The following CRTAC1 variants were observed in gnomAD, a reference collection of about 807,000 sequenced individuals.
CRTAC1 encodes cartilage acidic protein 1.
A neutral mutation model predicts 67.8 loss-of-function variants in CRTAC1; 37 were observed. The observed-to-expected ratio is 0.55, with a 90% CI of 0.42 to 0.72. The LOEUF (loss-of-function observed/expected upper bound fraction) is 0.72, where lower values mean the gene tolerates loss of function less well. Among genes scored for constraint, CRTAC1 ranks in the 30% least tolerant of loss-of-function variants. CRTAC1 has a pLI of 0.00. For synonymous variants in CRTAC1, 348 were observed against 371.0 expected (o/e 0.94, Z 0.71); for missense variants, 780 against 931.6 (o/e 0.84, Z 2.12).
intron 13 of CRTAC1, among the ~76,000 whole-genome samples, chr10:97,882,431 C>T (rs1195298628): frequency 6.6e-6 from 1 of 152,228 alleles, no homozygotes; most frequent in East Asian, 1.9e-4. Flanking sequence ...TGCCTGCCAG[C>T]CCCCTTGCTT....
chr10:97,878,679 C>A (rs1433082660), intron 14 of CRTAC1: 1 of 1,303,906 alleles, frequency 7.7e-7, no homozygotes, highest in Non-Finnish European at 1.0e-6. Context: ...GACCAAGTAG[C>A]AAGGTTCTTT....
chr10:97,904,031 A>T (rs970452048), intron 7 of CRTAC1, among the ~76,000 whole-genome samples: 1 of 147,660 alleles, frequency 6.8e-6, no homozygotes, highest in Non-Finnish European at 1.5e-5. Flanking sequence ...TGTGCAGGGG[A>T]TGCCATCCTG....
intron 13 of CRTAC1, among the ~76,000 whole-genome samples, chr10:97,882,183 T>C (rs896234342): frequency 2.0e-5 from 3 of 152,188 alleles, no homozygotes; most frequent in African/African-American, 7.2e-5. Flanking sequence ...TGCTGGTCAC[T>C]GGGATGGAAA....
rs754785391 is a variant in CRTAC1, at chr10:97,890,219, C to T, written c.1486+5026G>A. 7.2e-5 allele frequency among the ~76,000 whole-genome samples: 11 copies of T among 152,100 alleles called. No individual in the cohort carries two copies. The East Asian group carries it at 7.7e-4, about 11-fold the overall frequency. On this transcript the variant is annotated intron_variant, in intron 11 of 14. Transcript: ENST00000370597. ...ACAGCCTCAAACTCCTGGCCTTGAG[C>T]GATCTTCCTGCCTCATCCTCCTGAG...
At chr10:97,915,334 G>C (rs918954528) in intron 5 of CRTAC1, among the ~76,000 whole-genome samples, 6 of 152,220 alleles carry the variant, frequency 3.9e-5, no homozygotes, top group Non-Finnish European at 8.8e-5. Flanking sequence ...TGTGACCTTG[G>C]GCGAGTCCCT....
At chr10:97,886,845 A>G (rs999932540) in intron 11 of CRTAC1, among the ~76,000 whole-genome samples, 2 of 151,832 alleles carry the variant, frequency 1.3e-5, no homozygotes, top group African/African-American at 4.8e-5. Flanking sequence ...GGGTTTCGCC[A>G]TGCTGGCCAG....
intron 2 of CRTAC1, among the ~76,000 whole-genome samples, chr10:97,949,552 G>C (rs904178970): frequency 1.3e-5 from 2 of 152,254 alleles, no homozygotes; most frequent in Non-Finnish European, 2.9e-5. Context: ...GAGTGTCTTG[G>C]TAAAGGTGGC....
chr10:97,871,088 G>T (rs1372942593), intron 14 of CRTAC1: 1 of 152,174 alleles, frequency 6.6e-6, no homozygotes. Context: ...GGAGGTTTCC[G>T]CATGAGCCTT....
chr10:97,907,958 C>T, intron 6 of CRTAC1, 55 bp downstream of exon 6: 2 of 1,602,502 alleles, frequency 1.2e-6, no homozygotes, highest in Non-Finnish European at 1.7e-6. Flanking sequence ...CTGGAGTCCT[C>T]TGTGGGTCTG....
Position 97,865,471 on chromosome 10 carries a change from C to T in CRTAC1, c.*77G>A. On this transcript the variant is annotated 3_prime_UTR_variant, in exon 15 of 15. Transcript: ENST00000370597. ...TAGCTCCCAGGCCTTTACATCCCTA[C>T]TGTCTAGGCAGCAGCACAAGCCCAC... 1 of 1,518,666 alleles carries T rather than the reference C, an allele frequency of 6.6e-7. No homozygotes were observed. The highest frequency in any genetic ancestry group is 8.9e-7 in the Non-Finnish European group (1 of 1,122,818). 94.1% of individuals were successfully genotyped at this position (1,518,666 alleles called of 1,614,324 possible). A position where few individuals can be genotyped will look rare whatever the true frequency, so the allele number is the denominator to read the frequency against.
chr10:97,969,032 A>T (rs1236970805), intron 2 of CRTAC1, among the ~76,000 whole-genome samples: 1 of 152,164 alleles, frequency 6.6e-6, no homozygotes, highest in Admixed American at 6.5e-5. Context: ...GGACAGTCTC[A>T]GTTGGTTTGC....
rs1189303097 is a variant in CRTAC1 at position 97,975,037 on chromosome 10, G to A, written c.224+36101C>T. Among the ~76,000 whole-genome samples the A allele has an allele frequency of 6.6e-6, 1 of 152,006 alleles. No homozygotes were observed. The highest frequency in any genetic ancestry group is 2.4e-5 in the African/African-American group (1 of 41,394). ...CCCGCGGGAGGAGGCCGGAGCGCGG[G>A]CAGGGACTGGCGCGGGATCGATTCC... On this transcript the variant is annotated intron_variant, in intron 2 of 14. Transcript: ENST00000370597. The surrounding 1 kb of genome is among the most constrained non-coding windows in gnomAD (Gnocchi z 4.8).
chr10:97,990,815 A>G (rs150853776), intron 2 of CRTAC1, among the ~76,000 whole-genome samples: 1 of 152,312 alleles, frequency 6.6e-6, no homozygotes, highest in African/African-American at 2.4e-5. Flanking sequence ...GGGAAAATAA[A>G]CTTTCTCCTA....
intron 2 of CRTAC1, among the ~76,000 whole-genome samples, chr10:97,967,145 C>T (rs2051631580): frequency 6.6e-6 from 1 of 152,084 alleles, no homozygotes; most frequent in African/African-American, 2.4e-5. Context: ...TCTATTCTCC[C>T]TCATTTATTT....
chr10:97,867,262 A>T (rs2050038780), intron 14 of CRTAC1: 2 of 152,364 alleles, frequency 1.3e-5, no homozygotes, highest in African/African-American at 4.8e-5. Context: ...TGTCCAGCCA[A>T]TGATGCCCGG....
In CRTAC1 at chr10:97,889,453, T is replaced by TTGG. The variant is rs1554913298; in HGVS notation, c.1487-5103_1487-5102insCCA. ...GGTGAAGAGGGGCTGTGGAACTTGG[T>TTGG]GGGGGGGGGTCCACTGAGCAAGGCA... On this transcript the variant is annotated intron_variant, in intron 11 of 14. Transcript: ENST00000370597. Among the ~76,000 whole-genome samples the TTGG allele has an allele frequency of 5.0e-3, 479 of 95,094 alleles. 2 individuals carry two copies. The highest frequency in any genetic ancestry group is 0.015 in the African/African-American group (450 of 29,702). The allele number at this position is 95,094 out of a possible 152,430, so 62.4% of individuals were successfully genotyped here.
chr10:98,019,413 A>G (rs897135597), intron 1 of CRTAC1, among the ~76,000 whole-genome samples: 1 of 152,054 alleles, frequency 6.6e-6, no homozygotes, highest in African/African-American at 2.4e-5. Context: ...ATATCTGGGG[A>G]CACTTTTGGT....
intron 14 of CRTAC1, chr10:97,870,274 AG>A (rs2136527107): frequency 6.6e-6 from 1 of 152,336 alleles, no homozygotes; most frequent in East Asian, 1.9e-4. Flanking sequence ...ATAGCCTATA[AG>A]CCTTTAATAC....
chr10:97,886,236 C>T (rs554409167), intron 11 of CRTAC1, among the ~76,000 whole-genome samples: 2 of 152,326 alleles, frequency 1.3e-5, no homozygotes, highest in East Asian at 3.9e-4. Context: ...TAGATCCTTC[C>T]CATGTTTGGT....
Sources: allele counts gnomAD v4.1 joint callset (sites outside exome capture counted in the v4.1 genomes callset), GRCh38; gene constraint gnomAD v4.1.1; non-coding constraint Gnocchi (gnomAD v3.1); transcripts MANE v1.5; gene names NCBI Gene and HGNC (gene_info 2026-07-23, HGNC 2026-07-21).